Variants in UBE2U observed in about 807,000 individuals in gnomAD.
The protein encoded by UBE2U is ubiquitin conjugating enzyme E2 U, also known as ubiquitin-conjugating enzyme E2 U.
In UBE2U, 39 loss-of-function variants were observed where a neutral mutation model predicts 41.2. That is an observed-to-expected ratio of 0.95 (90% CI 0.73 to 1.24). The LOEUF (loss-of-function observed/expected upper bound fraction) is 1.24. Among genes scored for constraint, UBE2U ranks in the 50% most tolerant of loss-of-function variants. The pLI is 0.00. For missense variants in UBE2U, 336 were observed against 363.1 expected (o/e 0.93, Z 0.61); for synonymous variants, 107 against 117.8 (o/e 0.91, Z 0.60).
At chr1:64,227,945 G>A (rs1570031244) in intron 6 of UBE2U, among the ~76,000 whole-genome samples, 1 of 152,138 alleles carries the variant, frequency 6.6e-6, no homozygotes, top group Non-Finnish European at 1.5e-5. Flanking sequence ...AATATCCAAT[G>A]TTTGTGGCTT....
intron 8 of UBE2U, among the ~76,000 whole-genome samples, chr1:64,243,856 G>A (rs1644875810): frequency 6.6e-6 from 1 of 152,096 alleles, no homozygotes; most frequent in African/African-American, 2.4e-5. Context: ...CTTAAGCGCA[G>A]GGGCACTGGA....
intron 9 of UBE2U, among the ~76,000 whole-genome samples, chr1:64,262,677 C>A (rs1645195726): frequency 6.6e-6 from 1 of 152,180 alleles, no homozygotes; most frequent in Non-Finnish European, 1.5e-5. Context: ...AAGATGGAGT[C>A]ATATGTGATG....
chr1:64,255,723 C>G (rs982037037), intron 8 of UBE2U, among the ~76,000 whole-genome samples: 1 of 152,134 alleles, frequency 6.6e-6, no homozygotes, highest in Non-Finnish European at 1.5e-5. Context: ...GATGCCCTCT[C>G]TCACCGCTCC....
intron 8 of UBE2U, among the ~76,000 whole-genome samples, chr1:64,251,036 A>C (rs1266380272): frequency 6.6e-6 from 1 of 152,042 alleles, no homozygotes; most frequent in Non-Finnish European, 1.5e-5. Flanking sequence ...CAGGTTGTGC[A>C]CATGTACCCT....
At chr1:64,244,165 G>C (rs1644881632) in intron 8 of UBE2U, 1 of 1,608,048 alleles carries the variant, frequency 6.2e-7, no homozygotes, top group Non-Finnish European at 8.5e-7. Flanking sequence ...CATAGGGGAA[G>C]AGCATGAGCT....
At chr1:64,214,661 A>G (rs1651870641) in intron 4 of UBE2U, among the ~76,000 whole-genome samples, 154 bp from the exon 5 acceptor site, 1 of 152,222 alleles carries the variant, frequency 6.6e-6, no homozygotes, top group African/African-American at 2.4e-5. Context: ...TTGAGAGTAC[A>G]GACTATGTCT....
intron 5 of UBE2U, among the ~76,000 whole-genome samples, chr1:64,217,660 G>A (rs1455018523): frequency 6.6e-6 from 1 of 152,034 alleles, no homozygotes; most frequent in East Asian, 1.9e-4. Flanking sequence ...CTAAGCCTGA[G>A]GTAATTATTT....
chr1:64,250,912 G>A lies in UBE2U; in HGVS notation c.677+9179G>A, dbSNP rs560875421. On this transcript the variant is annotated intron_variant, in intron 8 of 9. Transcript: ENST00000371077. ...GGAACATCACACACCAAGGCCTGTC[G>A]TGGGGTGGGGGGAGGGGGGAGGTAT... 2.2e-4 allele frequency among the ~76,000 whole-genome samples: 30 copies of A among 136,740 alleles called. No homozygotes were observed. In the South Asian group the frequency reaches 7.2e-3, roughly 33 times the overall value. The allele number at this position is 136,740 out of a possible 152,430, so 89.7% of individuals were successfully genotyped here. A position where few individuals can be genotyped will look rare whatever the true frequency, so the allele number is the denominator to read the frequency against.
At position 64,230,352 on chromosome 1, in the gene UBE2U, C is replaced by T. The variant is rs183705161; in HGVS notation, c.507-2209C>T. Among the ~76,000 whole-genome samples the T allele has an allele frequency of 1.1e-4, 16 of 152,246 alleles. No individual in the cohort carries two copies. The East Asian group carries it at 2.1e-3, about 20-fold the overall frequency. On this transcript the variant is annotated intron_variant, in intron 6 of 9. Coordinates refer to ENST00000371077, the MANE Select transcript of UBE2U (RefSeq NM_001366232.2). ...GAGAACTACTGATGGCTGTCTATTA[C>T]CCAACAAATCAAGATCAAGATTACG...
At chr1:64,256,190 C>T (rs1221349150) in intron 8 of UBE2U, among the ~76,000 whole-genome samples, 1 of 152,150 alleles carries the variant, frequency 6.6e-6, no homozygotes, top group African/African-American at 2.4e-5. Context: ...AATGGCCATA[C>T]TGCCCAAAGT....
At chr1:64,264,516 T>A (rs1249263930) in intron 9 of UBE2U, among the ~76,000 whole-genome samples, 9 of 152,234 alleles carry the variant, frequency 5.9e-5, no homozygotes, top group South Asian at 2.1e-4. Flanking sequence ...CTAGCCAGGT[T>A]TCTTTTTATG....
intron 3 of UBE2U, among the ~76,000 whole-genome samples, chr1:64,210,059 G>T (rs374051591): frequency 1.3e-5 from 2 of 152,060 alleles, no homozygotes; most frequent in African/African-American, 4.8e-5. Flanking sequence ...GGGATTTAGA[G>T]ATTTTTATGA....
intron 7 of UBE2U, among the ~76,000 whole-genome samples, chr1:64,239,157 A>AG (rs756975010): frequency 5.4e-5 from 2 of 37,058 alleles, no homozygotes; most frequent in African/African-American, 8.5e-5. Flanking sequence ...GAAGAAGAAG[A>AG]AAGAAGAAGA....
intron 7 of UBE2U, among the ~76,000 whole-genome samples, chr1:64,233,386 G>A (rs1039082): frequency 0.17 from 25,453 of 151,926 alleles, 2,733 homozygotes; most frequent in Non-Finnish European, 0.24. Context: ...CAATCCTCCC[G>A]CCTCAGCCTC....
At chr1:64,224,413 A>G (rs939338557) in intron 6 of UBE2U, among the ~76,000 whole-genome samples, 2 of 152,186 alleles carry the variant, frequency 1.3e-5, no homozygotes, top group Non-Finnish European at 2.9e-5. Context: ...GATTCTGGAG[A>G]CATAGTTGCT....
intron 8 of UBE2U, among the ~76,000 whole-genome samples, chr1:64,249,137 G>A (rs948085309): frequency 2.6e-5 from 4 of 151,986 alleles, no homozygotes; most frequent in African/African-American, 9.7e-5. Context: ...AGCACTTTGG[G>A]AGGACAAGGC....
At chr1:64,254,175 A>G (rs1645055468) in intron 8 of UBE2U, among the ~76,000 whole-genome samples, 1 of 152,226 alleles carries the variant, frequency 6.6e-6, no homozygotes, top group South Asian at 2.1e-4. Flanking sequence ...GGCATTACAC[A>G]ATGGTAAAGG....
intron 7 of UBE2U, among the ~76,000 whole-genome samples, chr1:64,239,056 A>AAGAGGAAGAG: frequency 1.5e-5 from 1 of 65,986 alleles, no homozygotes; most frequent in African/African-American, 6.3e-5. Flanking sequence ...AAGAAGAAGA[A>AAGAGGAAGAG]GAAGAAGAAG....
intron 8 of UBE2U, chr1:64,244,245 A>G: frequency 6.8e-7 from 1 of 1,462,846 alleles, no homozygotes. Flanking sequence ...TTAAATGGAG[A>G]TAACCTTACC....
Sources: gnomAD v4.1 joint callset for allele counts (sites outside exome capture counted in the v4.1 genomes callset) on GRCh38, gnomAD v4.1.1 for gene constraint, MANE v1.5 for transcripts, NCBI Gene and HGNC (gene_info 2026-07-23, HGNC 2026-07-21) for gene names.